Variants in KDM3A observed in about 807,000 individuals in gnomAD.
KDM3A encodes the protein lysine-specific demethylase 3A.
In KDM3A, 60 loss-of-function variants were observed where a neutral mutation model predicts 158.0. That is an observed-to-expected ratio of 0.38 (90% CI 0.31 to 0.47). KDM3A has a LOEUF of 0.47. KDM3A is among the 20% of genes least tolerant of loss of function. The pLI is 0.99. For synonymous variants in KDM3A, 608 were observed against 549.3 expected (o/e 1.11, Z -1.49); for missense variants, 1,319 against 1,574.3 (o/e 0.84, Z 2.74).
chr2:86,482,327 G>A, intron 17 of KDM3A, 131 bp from the exon 18 acceptor site: 1 of 1,433,088 alleles, frequency 7.0e-7, no homozygotes, highest in Middle Eastern at 2.6e-4. Context: ...GGGGACAGGG[G>A]ACGTACCTTT....
Position 86,474,763 on chromosome 2 carries a change from C to G in KDM3A, c.1725-13C>G. On this transcript the variant is annotated splice_polypyrimidine_tract_variant and intron_variant, in intron 11 of 25. Coordinates refer to ENST00000312912, the MANE Select transcript of KDM3A (RefSeq NM_018433.6). ...TGTGTACATTACATCTTTTTTTCCC[C>G]TGCTTCCCCTAGGTTACAATTCAAC... is the stretch of plus-strand genomic sequence containing the variant. The G allele has an allele frequency of 1.4e-6, 2 of 1,406,128 alleles. No homozygotes were observed. The highest frequency in any genetic ancestry group is 2.0e-6 in the Non-Finnish European group (2 of 1,018,084). The allele number at this position is 1,406,128 out of a possible 1,614,324, so 87.1% of individuals were successfully genotyped here.
intron 4 of KDM3A, among the ~76,000 whole-genome samples, chr2:86,451,472 G>A (rs1300913133): frequency 6.6e-6 from 1 of 152,102 alleles, no homozygotes; most frequent in Non-Finnish European, 1.5e-5. Context: ...AATAAAATTA[G>A]CTAGATAAAA....
chr2:86,484,762 A>AGTTGGT, intron 19 of KDM3A, 180 bp from the exon 20 acceptor site: 1 of 517,736 alleles, frequency 1.9e-6, no homozygotes, highest in African/African-American at 1.9e-5. Context: ...AATGGTGGAT[A>AGTTGGT]GTTGGTAGGA....
chr2:86,439,681 G>C (rs932440630), upstream of KDM3A, among the ~76,000 whole-genome samples: 2 of 151,996 alleles, frequency 1.3e-5, no homozygotes, highest in Non-Finnish European at 1.5e-5. Context: ...CTTCTACTCT[G>C]AAAACAAATT....
At chr2:86,472,835 C>T (rs1673479749) in intron 11 of KDM3A, among the ~76,000 whole-genome samples, 1 of 152,158 alleles carries the variant, frequency 6.6e-6, no homozygotes, top group Admixed American at 6.5e-5. Context: ...TTTGAATAAA[C>T]CCTTTAGTCT....
rs768862464 is a variant in KDM3A, at chr2:86,490,897, G to C, written c.3590G>C (p.Gly1197Ala). The change falls in exon 24 of 26, where the codon GGT becomes GCT. Residue 1197 changes from glycine (G) to alanine (A), a missense_variant. Transcript: ENST00000312912. Reference protein sequence around the residue: ...EFLKKVSEEQGQENPADHDPI... With the variant: ...EFLKKVSEEQAQENPADHDPI... ...GTATTCTAGGTATCAGAAGAGCAAG[G>C]TCAAGAAAACCCAGCAGACCACGAT... The C allele has an allele frequency of 6.2e-7, 1 of 1,611,662 alleles. No homozygotes were observed. The highest frequency in any genetic ancestry group is 2.2e-5 in the East Asian group (1 of 44,842).
intron 5 of KDM3A, among the ~76,000 whole-genome samples, chr2:86,455,976 AAAG>A (rs1353843441): frequency 6.6e-6 from 1 of 151,744 alleles, no homozygotes. Flanking sequence ...AAAAAAAAGA[AAAG>A]AAAAAAGATA....
chr2:86,480,616 A>G (rs375630089), intron 16 of KDM3A, among the ~76,000 whole-genome samples: 16 of 152,330 alleles, frequency 1.1e-4, no homozygotes, highest in South Asian at 6.2e-4. Context: ...CTTTCATGCA[A>G]AGATCTGGAG....
At chr2:86,457,537 T>C (rs907833815) in intron 8 of KDM3A, among the ~76,000 whole-genome samples, 2 of 152,178 alleles carry the variant, frequency 1.3e-5, no homozygotes, top group African/African-American at 2.4e-5. Flanking sequence ...GGAGATAATA[T>C]AAGTTTATGG....
chr2:86,470,897 A>G lies in KDM3A; in HGVS notation c.1724+489A>G, dbSNP rs150383852. On this transcript the variant is annotated intron_variant, in intron 11 of 25. Coordinates refer to ENST00000312912, the MANE Select transcript of KDM3A (RefSeq NM_018433.6). ...ATAGTAATGTTTGATAATTTATTTC[A>G]CCAATTCCCTTGTTGGTATTAAGAT... is the stretch of plus-strand genomic sequence containing the variant. Among the ~76,000 whole-genome samples the G allele has an allele frequency of 3.2e-4, 49 of 152,318 alleles. No individual in the cohort carries two copies. In the East Asian group the frequency reaches 8.9e-3, roughly 28 times the overall value.
At chr2:86,445,817 C>T (rs935296608) in intron 2 of KDM3A, among the ~76,000 whole-genome samples, 20 of 152,148 alleles carry the variant, frequency 1.3e-4, no homozygotes, top group African/African-American at 4.8e-4. Flanking sequence ...GGATCTTCGA[C>T]AAACATTTAG....
intron 2 of KDM3A, among the ~76,000 whole-genome samples, chr2:86,444,011 G>C (rs1218377857): frequency 6.6e-6 from 1 of 152,230 alleles, no homozygotes; most frequent in Non-Finnish European, 1.5e-5. Flanking sequence ...TTCTTTGGCA[G>C]ATGTTGAGAG....
chr2:86,452,330 G>C (rs1178600138), intron 4 of KDM3A, among the ~76,000 whole-genome samples: 8 of 151,930 alleles, frequency 5.3e-5, no homozygotes, highest in Admixed American at 5.3e-4. Flanking sequence ...GCTCTTGGCT[G>C]TGAATTCAAG....
At chr2:86,465,955 A>G (rs971823862) in intron 9 of KDM3A, among the ~76,000 whole-genome samples, 14 of 150,762 alleles carry the variant, frequency 9.3e-5, no homozygotes, top group East Asian at 5.8e-4. Flanking sequence ...AAAAAAAAAA[A>G]AAGAAGAAAG....
At chr2:86,483,426 A>C (rs1674034283) in intron 18 of KDM3A, 2 of 152,454 alleles carry the variant, frequency 1.3e-5, no homozygotes. Flanking sequence ...ATATATAGAC[A>C]AGAAACAAAA....
chr2:86,467,091 CAG>C (rs1558617842), intron 10 of KDM3A, among the ~76,000 whole-genome samples: 1 of 152,126 alleles, frequency 6.6e-6, no homozygotes, highest in African/African-American at 2.4e-5. Context: ...TATAGAAATA[CAG>C]ATAAACTGTA....
rs1319797667 is a variant in KDM3A, at chr2:86,492,522, A to T, written c.*403A>T. 1 of 163,142 alleles carries T rather than the reference A, an allele frequency of 6.1e-6. No individual in the cohort carries two copies. The highest frequency in any genetic ancestry group is 1.3e-5 in the Non-Finnish European group (1 of 75,016). 10.1% of individuals were successfully genotyped at this position (163,142 alleles called of 1,614,324 possible). On this transcript the variant is annotated 3_prime_UTR_variant, in exon 26 of 26. Transcript: ENST00000312912. ...TCCCCTCCCTCATCCCTTAGGGTCC[A>T]GAAGAGCAATGGAGGAAGTGACAGC...
intron 2 of KDM3A, among the ~76,000 whole-genome samples, chr2:86,448,118 A>G (rs1403487963): frequency 6.6e-6 from 1 of 152,238 alleles, no homozygotes; most frequent in Non-Finnish European, 1.5e-5. Flanking sequence ...ATTTATTCTG[A>G]TTTGGAAAGT....
intron 12 of KDM3A, among the ~76,000 whole-genome samples, chr2:86,475,529 C>G (rs1379726008): frequency 6.6e-6 from 1 of 152,176 alleles, no homozygotes; most frequent in Admixed American, 6.5e-5. Context: ...AGCACTGTTA[C>G]ACTGATCTGG....
Sources: gnomAD v4.1 joint callset for allele counts (sites outside exome capture counted in the v4.1 genomes callset) on GRCh38, gnomAD v4.1.1 for gene constraint, MANE v1.5 for transcripts, NCBI Gene and HGNC (gene_info 2026-07-23, HGNC 2026-07-21) for gene names.